The following NCOA1 variants were observed in gnomAD, a reference collection of about 807,000 sequenced individuals.
NCOA1 encodes Hin-2 protein.
In NCOA1, 35 loss-of-function variants were observed where a neutral mutation model predicts 150.9. That is an observed-to-expected ratio of 0.23 (90% CI 0.18 to 0.31). NCOA1 has a LOEUF of 0.31. Ranked by LOEUF, NCOA1 falls within the 10% of genes least tolerant of loss-of-function variation. NCOA1 has a pLI of 1.00. For missense variants in NCOA1, 1,491 were observed against 1,749.3 expected, an observed-to-expected ratio of 0.85 and a Z score of 2.63; for synonymous variants, 590 against 630.0, an observed-to-expected ratio of 0.94 and a Z score of 0.95.
At chr2:24,577,600 C>T (rs899533077) in intron 2 of NCOA1, among the ~76,000 whole-genome samples, 3 of 152,090 alleles carry the variant, frequency 2.0e-5, no homozygotes, top group African/African-American at 7.2e-5. Context: ...TTTGGTTGAA[C>T]TCATGGTTTC....
intron 3 of NCOA1, among the ~76,000 whole-genome samples, chr2:24,640,464 A>C (rs1670162496): frequency 6.6e-6 from 1 of 152,098 alleles, no homozygotes; most frequent in South Asian, 2.1e-4. Flanking sequence ...TTTCTCTTTT[A>C]AGTTCTGTTT....
intron 4 of NCOA1, among the ~76,000 whole-genome samples, chr2:24,656,628 A>G (rs1196602116): frequency 2.6e-5 from 4 of 152,108 alleles, no homozygotes; most frequent in Non-Finnish European, 5.9e-5. Context: ...TCCTCCTCAC[A>G]TCCTTCCCAG....
At chr2:24,542,025 T>G (rs1665420017) in intron 1 of NCOA1, among the ~76,000 whole-genome samples, 1 of 152,186 alleles carries the variant, frequency 6.6e-6, no homozygotes, top group Non-Finnish European at 1.5e-5. Flanking sequence ...AAAAGTAGAT[T>G]GGATACTCCA....
At chr2:24,559,706 T>C (rs1451148835) in intron 1 of NCOA1, among the ~76,000 whole-genome samples, 1 of 152,170 alleles carries the variant, frequency 6.6e-6, no homozygotes, top group Admixed American at 6.5e-5. Context: ...CCCCTAGCGG[T>C]AGTAGAAGTT....
intron 3 of NCOA1, among the ~76,000 whole-genome samples, chr2:24,621,032 T>C (rs1158286282): frequency 6.6e-6 from 1 of 152,218 alleles, no homozygotes; most frequent in East Asian, 1.9e-4. Context: ...TCTTGTTAAC[T>C]AAGCTAGAAA....
At chr2:24,562,063 G>A (rs1666315303) in intron 1 of NCOA1, among the ~76,000 whole-genome samples, 1 of 152,026 alleles carries the variant, frequency 6.6e-6, no homozygotes, top group Non-Finnish European at 1.5e-5. Flanking sequence ...GAAAATCAGA[G>A]CATTATCTAC....
intron 20 of NCOA1, among the ~76,000 whole-genome samples, chr2:24,754,513 C>CA (rs1664409901): frequency 6.6e-6 from 1 of 152,156 alleles, no homozygotes; most frequent in African/African-American, 2.4e-5. Flanking sequence ...CCTCAGTGGC[C>CA]ACATGGCTTG....
At position 24,729,671 on chromosome 2, in the gene NCOA1, G is replaced by A. The variant is rs781542888; in HGVS notation, c.3057G>A (p.Gly1019=). The change falls in exon 17 of 23, where the codon GGG becomes GGA. Residue 1019 remains glycine, a synonymous_variant. Transcript: ENST00000348332. ...TGGTCAGGCAAAAACCTTCACTGGG[G>A]ACGATGCCTGTTCAAGTAACACCTC... is the stretch of plus-strand genomic sequence containing the variant. The part of the protein sequence containing the change: ...QGMVRQKPSL[G]TMPVQVTPPR... The A allele has an allele frequency of 6.2e-7, 1 of 1,614,134 alleles. No individual in the cohort carries two copies. Among genetic ancestry groups the A allele is most frequent in the Non-Finnish European group, 8.5e-7 (1 of 1,180,026 alleles).
intron 15 of NCOA1, among the ~76,000 whole-genome samples, chr2:24,726,998 C>T (rs371784628): frequency 2.6e-5 from 4 of 151,336 alleles, no homozygotes; most frequent in East Asian, 1.9e-4. Context: ...ATTTGCCAGG[C>T]GTGGTGGTGC....
intron 1 of NCOA1, among the ~76,000 whole-genome samples, chr2:24,529,324 G>T (rs1416458757): frequency 6.6e-6 from 1 of 152,094 alleles, no homozygotes; most frequent in Non-Finnish European, 1.5e-5. Context: ...CATTTTCTAG[G>T]GCAGAGTTAT....
chr2:24,724,439 G>A (rs953147944), intron 14 of NCOA1, among the ~76,000 whole-genome samples: 2 of 152,078 alleles, frequency 1.3e-5, no homozygotes, highest in African/African-American at 2.4e-5. Flanking sequence ...AAAGAAAGTC[G>A]CAAAAGGTTG....
intron 1 of NCOA1, among the ~76,000 whole-genome samples, chr2:24,531,371 A>G (rs1168507984): frequency 3.3e-4 from 50 of 152,186 alleles, no homozygotes; most frequent in Admixed American, 3.3e-3. Flanking sequence ...TGTGGCATAT[A>G]CACCATGGAA....
chr2:24,594,394 T>C (rs1428481410), intron 3 of NCOA1, among the ~76,000 whole-genome samples: 1 of 152,112 alleles, frequency 6.6e-6, no homozygotes, highest in Non-Finnish European at 1.5e-5. Context: ...GCTGTCACAA[T>C]TGGGGCAGAG....
chr2:24,712,826 A>G (rs1423790519), intron 14 of NCOA1, among the ~76,000 whole-genome samples: 1 of 152,162 alleles, frequency 6.6e-6, no homozygotes, highest in Non-Finnish European at 1.5e-5. Flanking sequence ...CAGCTGAGAA[A>G]AGCTTCCAGA....
chr2:24,610,076 T>C (rs1668551806), intron 3 of NCOA1, among the ~76,000 whole-genome samples: 1 of 151,486 alleles, frequency 6.6e-6, no homozygotes, highest in South Asian at 2.1e-4. Context: ...CCATGTCTTT[T>C]AACCTTTCTT....
At chr2:24,694,762 T>G (rs1195450727) in intron 10 of NCOA1, among the ~76,000 whole-genome samples, 1 of 152,046 alleles carries the variant, frequency 6.6e-6, no homozygotes, top group African/African-American at 2.4e-5. Flanking sequence ...CTGGAAAAAT[T>G]TAATAAACGT....
At chr2:24,758,680 T>C (rs1664621807) in intron 21 of NCOA1, among the ~76,000 whole-genome samples, 1 of 152,076 alleles carries the variant, frequency 6.6e-6, no homozygotes, top group Non-Finnish European at 1.5e-5. Flanking sequence ...TTTAGTGTTT[T>C]AGATTTATAA....
In NCOA1 at chr2:24,697,770, A is replaced by G. The variant is rs1403067590; in HGVS notation, c.921A>G (p.Pro307=). ...TTTTCCAACCTCAGGGCAGAGAACC[A>G]TCTTATGCCAGACAGCTGTTCCAAG... The part of the protein sequence containing the change: ...YAFFQPQGRE[P]SYARQLFQEV... Residue 307 remains proline, a synonymous_variant, in exon 11 of 23, where the codon CCA becomes CCG. Coordinates refer to ENST00000348332, the MANE Select transcript of NCOA1 (RefSeq NM_003743.5). 1.9e-6 allele frequency: 3 copies of G among 1,613,702 alleles called. No homozygotes were observed. Among genetic ancestry groups the G allele is most frequent in the African/African-American group, 1.3e-5 (1 of 74,926 alleles).
At chr2:24,494,544 CG>C (rs1663117212) in intron 1 of NCOA1, among the ~76,000 whole-genome samples, 2 of 152,144 alleles carry the variant, frequency 1.3e-5, no homozygotes, top group Admixed American at 1.3e-4. Context: ...AGGAGATCCC[CG>C]GGACGCTCAT....
Sources: gnomAD v4.1 joint callset for allele counts (sites outside exome capture counted in the v4.1 genomes callset) on GRCh38, gnomAD v4.1.1 for gene constraint, MANE v1.5 for transcripts, NCBI Gene and HGNC (gene_info 2026-07-23, HGNC 2026-07-21) for gene names.